Variants in KATNIP observed in about 807,000 individuals in gnomAD.
KATNIP encodes the protein katanin-interacting protein.
In KATNIP, 126 loss-of-function variants were observed where a neutral mutation model predicts 174.0. The ratio of observed to expected loss-of-function variants is 0.72; its 90% CI spans 0.63 to 0.84. The LOEUF (loss-of-function observed/expected upper bound fraction) is 0.84. Ranked by LOEUF, KATNIP falls within the 40% of genes least tolerant of loss-of-function variation. KATNIP has a pLI of 0.00. For synonymous variants in KATNIP, 810 were observed against 835.7 expected, an observed-to-expected ratio of 0.97 and a Z score of 0.53; for missense variants, 1,958 against 2,109.7, an observed-to-expected ratio of 0.93 and a Z score of 1.41.
intron 2 of KATNIP, among the ~76,000 whole-genome samples, chr16:27,576,996 C>G (rs1052411052): frequency 6.6e-6 from 1 of 151,996 alleles, no homozygotes; most frequent in Non-Finnish European, 1.5e-5. Context: ...GGGTTGGGAT[C>G]GGGTACTTCT....
chr16:27,701,399 G>T (rs1428357671), intron 10 of KATNIP, 190 bp from the exon 11 acceptor site: 168 of 520,530 alleles, frequency 3.2e-4, no homozygotes, highest in Non-Finnish European at 1.1e-5. Flanking sequence ...CCTGGTCCTC[G>T]GAAGCTGAGA....
rs746177271 is a variant in KATNIP at position 27,677,932 on chromosome 16, A to G, written c.744A>G (p.Thr248=). The G allele has an allele frequency of 1.2e-6, 2 of 1,614,032 alleles. No homozygotes were observed. The highest frequency in any genetic ancestry group is 3.3e-5 in the Admixed American group (2 of 59,988). ...TQKDVHGEQE[T]EGRSSPGPDT... ...AAGATGTTCACGGGGAACAGGAGAC[A>G]GAAGGACGCTCTTCTCCAGGCCCAG... The change falls in exon 7 of 28, where the codon ACA becomes ACG. Residue 248 remains threonine (T), a synonymous_variant. Transcript: ENST00000261588.
At chr16:27,775,203 C>A in intron 24 of KATNIP, 119 bp downstream of exon 24, 1 of 1,253,130 alleles carries the variant, frequency 8.0e-7, no homozygotes, top group Non-Finnish European at 1.1e-6. Context: ...AGCCAAGATG[C>A]TTGGGAGCTG....
intron 5 of KATNIP, among the ~76,000 whole-genome samples, chr16:27,633,841 G>A (rs2076561687): frequency 1.3e-5 from 2 of 152,264 alleles, no homozygotes; most frequent in East Asian, 3.9e-4. Context: ...TTGAACTCTG[G>A]GCTGTGGTTA....
At chr16:27,667,314 C>CAA (rs113958873) in intron 6 of KATNIP, among the ~76,000 whole-genome samples, 19 of 108,606 alleles carry the variant, frequency 1.7e-4, no homozygotes, top group African/African-American at 5.5e-4. Flanking sequence ...GACCCTGTTT[C>CAA]AAAAAAAAAA....
intron 9 of KATNIP, 76 bp downstream of exon 9, chr16:27,698,576 C>G (rs2078995840): frequency 4.9e-6 from 7 of 1,422,932 alleles, no homozygotes; most frequent in South Asian, 1.4e-5. Flanking sequence ...TTGAGAAGAG[C>G]AAGTGTGCAG....
Position 27,777,378 on chromosome 16 carries a change from C to G in KATNIP, c.4552-232C>G, listed in dbSNP as rs962098663. Among the ~76,000 whole-genome samples the G allele has an allele frequency of 6.6e-6, 1 of 152,208 alleles. No individual in the cohort carries two copies. The highest frequency in any genetic ancestry group is 2.4e-5 in the African/African-American group (1 of 41,446). On this transcript the variant is annotated intron_variant, in intron 25 of 27. Coordinates refer to ENST00000261588, the MANE Select transcript of KATNIP (RefSeq NM_015202.5). This position sits in a 1 kb window ranked among gnomAD's most constrained non-coding sequence, Gnocchi z 4.4. ...GCCACTTGTGCTAATGGTATTAAAG[C>G]CCCTCGGGCCTCAATTTCCTCATCT...
intron 19 of KATNIP, among the ~76,000 whole-genome samples, chr16:27,763,084 G>A (rs2082006126): frequency 6.6e-6 from 1 of 152,074 alleles, no homozygotes; most frequent in Admixed American, 6.6e-5. Context: ...GGGAGGCCAA[G>A]ATAGAAGGAT....
intron 10 of KATNIP, among the ~76,000 whole-genome samples, chr16:27,700,329 A>C (rs780156512): frequency 6.6e-6 from 1 of 152,368 alleles, no homozygotes; most frequent in Non-Finnish European, 1.5e-5. Context: ...ATTTGGTCCC[A>C]GAAAATAAGG....
chr16:27,671,430 C>A (rs1383928344), intron 6 of KATNIP, among the ~76,000 whole-genome samples: 1 of 152,068 alleles, frequency 6.6e-6, no homozygotes, highest in Non-Finnish European at 1.5e-5. Flanking sequence ...CGGTGAACAC[C>A]CGCTCTATTA....
chr16:27,661,987 CACATACATATATATATATATATATATAT>C (rs2077515691), intron 6 of KATNIP, among the ~76,000 whole-genome samples: 1 of 22,390 alleles, frequency 4.5e-5, no homozygotes, highest in Non-Finnish European at 7.9e-5. Context: ...TATATATATA[CACATACATATATATATATATATATATAT>C]ACACATACAT....
At chr16:27,703,253 C>T (rs761948895) in intron 11 of KATNIP, among the ~76,000 whole-genome samples, 4 of 152,168 alleles carry the variant, frequency 2.6e-5, no homozygotes, top group African/African-American at 4.8e-5. Flanking sequence ...GCATGCACTC[C>T]GCCAAATGCT....
intron 2 of KATNIP, among the ~76,000 whole-genome samples, chr16:27,616,150 C>T (rs1311047135): frequency 6.6e-6 from 1 of 151,920 alleles, no homozygotes; most frequent in Non-Finnish European, 1.5e-5. Flanking sequence ...GGTGGGAGGA[C>T]CACCTGAGTT....
chr16:27,704,580 G>A (rs2079224674), intron 12 of KATNIP, among the ~76,000 whole-genome samples: 1 of 152,170 alleles, frequency 6.6e-6, no homozygotes, highest in African/African-American at 2.4e-5. Flanking sequence ...TAGAATTATT[G>A]GAAGTAGGGA....
In KATNIP at chr16:27,660,661, G is replaced by A. The variant is rs187738923; in HGVS notation, c.540+11926G>A. Among the ~76,000 whole-genome samples the A allele has an allele frequency of 1.7e-3, 255 of 150,548 alleles. 1 individual carries two copies. The highest frequency in any genetic ancestry group is 4.2e-4 in the South Asian group (2 of 4,742). On this transcript the variant is annotated intron_variant, in intron 6 of 27. Coordinates refer to ENST00000261588, the MANE Select transcript of KATNIP (RefSeq NM_015202.5). The stretch of plus-strand genomic sequence containing the variant: ...CTTTTTTTTTTTTTTTTAAGAGATG[G>A]GGTCTCACTACATTGCCCAGGCTAT...
intron 2 of KATNIP, among the ~76,000 whole-genome samples, chr16:27,589,296 C>G (rs895292138): frequency 6.6e-6 from 1 of 152,150 alleles, no homozygotes; most frequent in Non-Finnish European, 1.5e-5. Flanking sequence ...CAGGGGTCAA[C>G]AAACTTTTTT....
At chr16:27,725,956 G>A (rs2080432443) in intron 14 of KATNIP, among the ~76,000 whole-genome samples, 2 of 152,134 alleles carry the variant, frequency 1.3e-5, no homozygotes, top group African/African-American at 4.8e-5. Context: ...ATGTTTCTGT[G>A]ACATGTCATG....
intron 17 of KATNIP, 37 bp from the exon 18 acceptor site, chr16:27,754,136 C>A: frequency 6.4e-7 from 1 of 1,574,122 alleles, no homozygotes; most frequent in South Asian, 1.1e-5. Flanking sequence ...TCACTAAAAC[C>A]ACCCCCTTTT....
chr16:27,561,315 G>T (rs1024663912), intron 1 of KATNIP, among the ~76,000 whole-genome samples: 1 of 151,842 alleles, frequency 6.6e-6, no homozygotes, highest in South Asian at 2.1e-4. Context: ...GGGCCACTTT[G>T]CCTGGCCTGG....
Sources: allele counts gnomAD v4.1 joint callset (sites outside exome capture counted in the v4.1 genomes callset), GRCh38; gene constraint gnomAD v4.1.1; non-coding constraint Gnocchi (gnomAD v3.1); transcripts MANE v1.5; gene names NCBI Gene and HGNC (gene_info 2026-07-23, HGNC 2026-07-21).